OSBPL10: variants seen among roughly 807,000 people sequenced by gnomAD.
OSBPL10 encodes oxysterol binding protein like 10.
A neutral mutation model predicts 81.7 loss-of-function variants in OSBPL10; 49 were observed. The observed-to-expected ratio is 0.60, with a 90% CI of 0.48 to 0.76. OSBPL10 has a LOEUF of 0.76. OSBPL10 is among the 30% of genes least tolerant of loss of function. OSBPL10 has a pLI of 0.00. For missense variants in OSBPL10, 923 were observed against 987.8 expected, an observed-to-expected ratio of 0.93 and a Z score of 0.88; for synonymous variants, 419 against 383.6, an observed-to-expected ratio of 1.09 and a Z score of -1.08.
chr3:31,892,467 C>T (rs1275959258), intron 1 of OSBPL10, among the ~76,000 whole-genome samples: 3 of 152,084 alleles, frequency 2.0e-5, no homozygotes, highest in Admixed American at 6.6e-5. Context: ...AGCAGAAAGG[C>T]GGCTGCAGAG....
At chr3:31,912,374 G>T (rs979510688) in intron 1 of OSBPL10, among the ~76,000 whole-genome samples, 1 of 144,946 alleles carries the variant, frequency 6.9e-6, no homozygotes, top group African/African-American at 2.6e-5. Flanking sequence ...CAGCCTGGGC[G>T]ACAGGGCGAG....
At chr3:31,879,009 C>T (rs916266302) in intron 2 of OSBPL10, among the ~76,000 whole-genome samples, 13 of 152,148 alleles carry the variant, frequency 8.5e-5, no homozygotes, top group South Asian at 2.1e-4. Flanking sequence ...CATTTCTGTG[C>T]GATGGATGTG....
rs1360563461 is a variant in OSBPL10 at position 31,872,321 on chromosome 3, G to A, written c.537+4112C>T. 4.6e-5 allele frequency among the ~76,000 whole-genome samples: 7 copies of A among 152,318 alleles called. No individual in the cohort carries two copies. In the East Asian group the frequency reaches 1.2e-3, roughly 25 times the overall value. On this transcript the variant is annotated intron_variant, in intron 3 of 11. Coordinates refer to ENST00000396556, the MANE Select transcript of OSBPL10 (RefSeq NM_017784.5). ...TGTCAGAGCAAGGACAAGAAAGCAG[G>A]AGACCCAGGTTCCAGTCTTAGCACC...
intron 3 of OSBPL10, among the ~76,000 whole-genome samples, chr3:31,831,839 C>CAGTTCTCTCTAATTAGCTTTATA (rs1700250874): frequency 6.6e-6 from 1 of 152,202 alleles, no homozygotes; most frequent in African/African-American, 2.4e-5. Flanking sequence ...GATACAAACA[C>CAGTTCTCTCTAATTAGCTTTATA]ATCTCCCCCT....
intron 1 of OSBPL10, among the ~76,000 whole-genome samples, chr3:31,968,260 GAA>G (rs57204442): frequency 6.7e-6 from 1 of 150,248 alleles, no homozygotes; most frequent in Non-Finnish European, 1.5e-5. Flanking sequence ...GTCATTTATA[GAA>G]AAAAAAATCG....
Position 31,748,106 on chromosome 3 carries a change from C to A in OSBPL10, c.744G>T (p.Val248=). The change falls in exon 5 of 12, where the codon GTG becomes GTT. Residue 248 remains valine, a synonymous_variant. Coordinates refer to ENST00000396556, the MANE Select transcript of OSBPL10 (RefSeq NM_017784.5). ...GCACAAGGTTCTTCTGCTGCCCTTC[C>A]ACCTGGTTCATCATCTACAAAACAA... ...LHEVREMMNQ[V]EGQQKNLVHA... is the part of the protein sequence containing the mutation. 41 of 1,612,974 alleles carry A rather than the reference C, an allele frequency of 2.5e-5. No individual in the cohort carries two copies. The highest frequency in any genetic ancestry group is 3.2e-5 in the Non-Finnish European group (38 of 1,179,488).
intron 1 of OSBPL10, among the ~76,000 whole-genome samples, chr3:31,915,414 T>C (rs1559516555): frequency 6.6e-6 from 1 of 152,142 alleles, no homozygotes; most frequent in Non-Finnish European, 1.5e-5. Context: ...ACATATATCA[T>C]GGAATACTAC....
At position 31,877,353 on chromosome 3, in the gene OSBPL10, GC is replaced by G. The variant is rs113843802; in HGVS notation, c.458-842del. 7.2e-3 allele frequency among the ~76,000 whole-genome samples: 1,101 copies of G among 152,230 alleles called. 14 individuals carry two copies. The highest frequency in any genetic ancestry group is 0.025 in the African/African-American group (1,053 of 41,540). ...TGCAAAGAGCAAGATACCAAATGCTGCCTTAGAGAGCCTCAAATTTCCCCCA... is the reference window on the plus strand; with the variant it reads ...TGCAAAGAGCAAGATACCAAATGCTGCTTAGAGAGCCTCAAATTTCCCCCA... On this transcript the variant is annotated intron_variant, in intron 2 of 11. Coordinates refer to ENST00000396556, the MANE Select transcript of OSBPL10 (RefSeq NM_017784.5).
At chr3:31,741,413 T>C (rs1697346478) in intron 5 of OSBPL10, among the ~76,000 whole-genome samples, 1 of 152,162 alleles carries the variant, frequency 6.6e-6, no homozygotes, top group African/African-American at 2.4e-5. Flanking sequence ...TACAGGCGCA[T>C]GCCACCACAC....
chr3:31,814,156 T>C (rs1215043911), intron 4 of OSBPL10, among the ~76,000 whole-genome samples: 1 of 152,164 alleles, frequency 6.6e-6, no homozygotes, highest in Non-Finnish European at 1.5e-5. Flanking sequence ...TACCGCTACT[T>C]TCTTCAGCCA....
chr3:31,811,001 G>A (rs756167752), intron 4 of OSBPL10, among the ~76,000 whole-genome samples: 5 of 152,136 alleles, frequency 3.3e-5, no homozygotes, highest in African/African-American at 4.8e-5. Context: ...TCCAGGTGTC[G>A]AGGAGGTCAA....
intron 5 of OSBPL10, among the ~76,000 whole-genome samples, chr3:31,743,068 T>G (rs1697406212): frequency 7.3e-6 from 1 of 137,224 alleles, no homozygotes; most frequent in South Asian, 2.4e-4. Flanking sequence ...TTAGAGAGAG[T>G]CTTGCTCTGT....
intron 3 of OSBPL10, among the ~76,000 whole-genome samples, chr3:31,838,635 A>G (rs1248365132): frequency 6.6e-6 from 1 of 152,036 alleles, no homozygotes; most frequent in Non-Finnish European, 1.5e-5. Context: ...CACTTGAGGT[A>G]AGTCACTCAG....
intron 7 of OSBPL10, among the ~76,000 whole-genome samples, chr3:31,687,232 C>T (rs1396093375): frequency 1.3e-5 from 2 of 152,068 alleles, no homozygotes; most frequent in African/African-American, 4.8e-5. Flanking sequence ...TAACTTCAAA[C>T]AAAGATAATT....
intron 4 of OSBPL10, among the ~76,000 whole-genome samples, chr3:31,801,353 A>G (rs1699372922): frequency 6.6e-6 from 1 of 152,218 alleles, no homozygotes; most frequent in African/African-American, 2.4e-5. Flanking sequence ...AGGAATGACT[A>G]GACGGGAAAA....
intron 5 of OSBPL10, among the ~76,000 whole-genome samples, chr3:31,747,136 A>T (rs1392388076): frequency 6.6e-6 from 1 of 152,076 alleles, no homozygotes; most frequent in Non-Finnish European, 1.5e-5. Context: ...GGAGTTCTGG[A>T]CCAGCCTGAC....
chr3:31,906,561 G>A (rs140303330), intron 1 of OSBPL10, among the ~76,000 whole-genome samples: 150 of 152,220 alleles, frequency 9.9e-4, no homozygotes, highest in African/African-American at 3.4e-3. Flanking sequence ...GGGACATTTT[G>A]GGTACTTTAT....
intron 4 of OSBPL10, among the ~76,000 whole-genome samples, chr3:31,789,381 G>A (rs1211781793): frequency 2.0e-5 from 3 of 152,196 alleles, no homozygotes; most frequent in Non-Finnish European, 4.4e-5. Flanking sequence ...AGGTCCTTGA[G>A]TCCATCATGA....
intron 1 of OSBPL10, among the ~76,000 whole-genome samples, chr3:31,883,089 A>C (rs1257136428): frequency 6.6e-6 from 1 of 152,098 alleles, no homozygotes; most frequent in Non-Finnish European, 1.5e-5. Context: ...TGTGCAGACA[A>C]TGCTCATGGC....
Sources: gnomAD v4.1 joint callset for allele counts (sites outside exome capture counted in the v4.1 genomes callset) on GRCh38, gnomAD v4.1.1 for gene constraint, MANE v1.5 for transcripts, NCBI Gene and HGNC (gene_info 2026-07-23, HGNC 2026-07-21) for gene names.